PLEKHA5: variants seen among roughly 807,000 people sequenced by gnomAD.
PLEKHA5 encodes pleckstrin homology domain containing A5.
Under a neutral mutation model 181.9 loss-of-function variants are expected in PLEKHA5, and 55 were observed. That is an observed-to-expected ratio of 0.30 (90% CI 0.24 to 0.38). The LOEUF is 0.38. Ranked by LOEUF, PLEKHA5 falls within the 10% of genes least tolerant of loss-of-function variation. The pLI, the probability that PLEKHA5 is intolerant of heterozygous loss-of-function variation, is 1.00. For synonymous variants in PLEKHA5, 535 were observed against 529.4 expected, an observed-to-expected ratio of 1.01 and a Z score of -0.15; for missense variants, 1,432 against 1,549.5, an observed-to-expected ratio of 0.92 and a Z score of 1.27.
At chr12:19,173,804 T>A (rs1407170554) in intron 3 of PLEKHA5, among the ~76,000 whole-genome samples, 1 of 152,180 alleles carries the variant, frequency 6.6e-6, no homozygotes, top group Non-Finnish European at 1.5e-5. Context: ...CCAGGTCTCA[T>A]GCGGATGATA....
chr12:19,358,458 T>G lies in PLEKHA5; in HGVS notation c.3348+21T>G, dbSNP rs540722058. On this transcript the variant is annotated intron_variant, in intron 27 of 31. Transcript: ENST00000429027. ...CTCAGGTATATGAATTGCATTTGAT[T>G]ATTATTTTGTGTAAATCTAGTATCA... 2.7e-6 allele frequency: 4 copies of G among 1,499,044 alleles called. No individual in the cohort carries two copies. The East Asian group carries it at 9.0e-5, about 34-fold the overall frequency. The allele number at this position is 1,499,044 out of a possible 1,614,324, so 92.9% of individuals were successfully genotyped here. A position where few individuals can be genotyped will look rare whatever the true frequency, so the allele number is the denominator to read the frequency against.
chr12:19,229,610 G>T (rs2060173691), intron 3 of PLEKHA5, among the ~76,000 whole-genome samples: 1 of 152,186 alleles, frequency 6.6e-6, no homozygotes, highest in Non-Finnish European at 1.5e-5. Flanking sequence ...GCTCATAGAG[G>T]CAGTGCGGAC....
At chr12:19,361,851 T>G in intron 29 of PLEKHA5, 145 bp downstream of exon 29, 1 of 686,142 alleles carries the variant, frequency 1.5e-6, no homozygotes, top group Non-Finnish European at 2.5e-6. Context: ...ATATAACCTC[T>G]TAAACTACAC....
chr12:19,305,844 A>T (rs192446444), intron 15 of PLEKHA5, among the ~76,000 whole-genome samples: 66 of 134,286 alleles, frequency 4.9e-4, no homozygotes, highest in East Asian at 3.4e-3. Context: ...TGGGGCAACA[A>T]CAGCAAAACT....
chr12:19,272,499 G>A (rs1209646193), intron 10 of PLEKHA5, among the ~76,000 whole-genome samples: 1 of 152,100 alleles, frequency 6.6e-6, no homozygotes, highest in African/African-American at 2.4e-5. Context: ...AATAATGTAG[G>A]AGGCCAAGGT....
At chr12:19,275,005 A>T in intron 11 of PLEKHA5, 22 bp downstream of exon 11, 1 of 1,519,948 alleles carries the variant, frequency 6.6e-7, no homozygotes, top group Middle Eastern at 1.7e-4. Context: ...TCTTGTCATT[A>T]TGAACCCAGG....
chr12:19,141,166 C>T (rs2037154645), intron 3 of PLEKHA5, among the ~76,000 whole-genome samples: 2 of 151,668 alleles, frequency 1.3e-5, no homozygotes, highest in South Asian at 2.1e-4. Context: ...CTGCTTTCCA[C>T]CCCTCCCCCC....
rs145393279 is a variant in PLEKHA5, at chr12:19,365,830, A to T, written c.3609-134A>T. 2.8e-4 allele frequency: 168 copies of T among 602,640 alleles called. 1 individual carries two copies. The highest frequency in any genetic ancestry group is 2.8e-3 in the African/African-American group (147 of 53,044). 37.3% of individuals were successfully genotyped at this position (602,640 alleles called of 1,614,324 possible). A position where few individuals can be genotyped will look rare whatever the true frequency, so the allele number is the denominator to read the frequency against. On this transcript the variant is annotated intron_variant, in intron 29 of 31. Coordinates refer to ENST00000429027, the MANE Select transcript of PLEKHA5 (RefSeq NM_001256470.2). ...CTAATTCTTTTGTTTGAAACTTTCA[A>T]AAGAAAGAAAAGATTAATTGTAAGA... is the stretch of plus-strand genomic sequence containing the variant.
At chr12:19,155,408 C>G (rs1373693293) in intron 3 of PLEKHA5, among the ~76,000 whole-genome samples, 1 of 152,062 alleles carries the variant, frequency 6.6e-6, no homozygotes, top group Non-Finnish European at 1.5e-5. Context: ...CTATTAAGTC[C>G]CGAAACCTTG....
chr12:19,305,848 C>T (rs888405170), intron 15 of PLEKHA5, among the ~76,000 whole-genome samples: 13 of 59,654 alleles, frequency 2.2e-4, no homozygotes, highest in African/African-American at 9.8e-4. Flanking sequence ...GCAACAACAG[C>T]AAAACTCCAT....
At chr12:19,143,361 G>A (rs184268384) in intron 3 of PLEKHA5, among the ~76,000 whole-genome samples, 13 of 152,226 alleles carry the variant, frequency 8.5e-5, no homozygotes, top group Admixed American at 1.3e-4. Context: ...AAAAGTGTAC[G>A]TTTAGTGTAT....
chr12:19,281,526 G>A (rs2076142792), intron 11 of PLEKHA5, among the ~76,000 whole-genome samples: 1 of 151,466 alleles, frequency 6.6e-6, no homozygotes, highest in African/African-American at 2.4e-5. Context: ...GCAGTGAGCT[G>A]AGATTGTGCC....
In PLEKHA5 at chr12:19,369,699, G is replaced by C; in HGVS notation, c.3761G>C (p.Ser1254Thr). 1 of 1,604,986 alleles carries C rather than the reference G, an allele frequency of 6.2e-7. No individual in the cohort carries two copies. Among genetic ancestry groups the C allele is most frequent in the South Asian group, 1.1e-5 (1 of 90,014 alleles). Residue 1254 changes from serine to threonine, a missense_variant, in exon 31 of 32, where the codon AGT becomes ACT. Ser to Thr is a moderately conservative substitution (Grantham distance 58). This residue lies in a region of PLEKHA5 where 1,143 missense variants were observed against 1,168.4 expected (regional missense o/e 0.98). Coordinates refer to ENST00000429027, the MANE Select transcript of PLEKHA5 (RefSeq NM_001256470.2). The part of the protein sequence containing the change: ...SRGNQTMAVK[S>T]LSPSPESSAS... ...TTTTCTTTGTGTGTTTTAGTGAAAA[G>C]TCTGTCCCCATCTCCTGAGTCCTCG...
At chr12:19,229,705 C>T (rs955974097) in intron 3 of PLEKHA5, among the ~76,000 whole-genome samples, 3 of 152,168 alleles carry the variant, frequency 2.0e-5, no homozygotes, top group Admixed American at 2.0e-4. Flanking sequence ...AAGCAGGTTG[C>T]CACTGCTGGC....
At chr12:19,182,031 T>G (rs1268659898) in intron 3 of PLEKHA5, among the ~76,000 whole-genome samples, 1 of 152,190 alleles carries the variant, frequency 6.6e-6, no homozygotes, top group Non-Finnish European at 1.5e-5. Context: ...ATCTTATGGT[T>G]TCAGTAGTTA....
At chr12:19,217,497 A>G (rs2058173247) in intron 3 of PLEKHA5, among the ~76,000 whole-genome samples, 1 of 152,208 alleles carries the variant, frequency 6.6e-6, no homozygotes, top group East Asian at 1.9e-4. Context: ...TGCTGTCACT[A>G]TGCCAATTGT....
rs533661916 is a variant in PLEKHA5, at chr12:19,298,408, C to CTT, written c.2037+6731_2037+6732dup. The stretch of plus-strand genomic sequence containing the variant: ...GCAGTAATCTGTCCTATTTTTTTAG[C>CTT]TTTTTTTTTTTTTTTTTTTTTGTAA... On this transcript the variant is annotated intron_variant, in intron 15 of 31. Coordinates refer to ENST00000429027, the MANE Select transcript of PLEKHA5 (RefSeq NM_001256470.2). Among the ~76,000 whole-genome samples, 713 of 106,312 alleles carry CTT rather than the reference C, an allele frequency of 6.7e-3. 34 individuals carry two copies. Among genetic ancestry groups the CTT allele is most frequent in the African/African-American group, 0.021 (558 of 27,204 alleles). 69.7% of individuals were successfully genotyped at this position (106,312 alleles called of 152,430 possible).
chr12:19,262,864 C>T (rs1198459022), intron 7 of PLEKHA5, among the ~76,000 whole-genome samples: 3 of 152,054 alleles, frequency 2.0e-5, no homozygotes, highest in African/African-American at 7.2e-5. Flanking sequence ...TACCCCTGAA[C>T]CTATAATAGA....
chr12:19,130,012 T>G lies in PLEKHA5; in HGVS notation c.90-39T>G, dbSNP rs1449093500. On this transcript the variant is annotated intron_variant, in intron 1 of 31. Coordinates refer to ENST00000429027, the MANE Select transcript of PLEKHA5 (RefSeq NM_001256470.2). This position sits in a 1 kb window ranked among gnomAD's most constrained non-coding sequence, Gnocchi z 4.5. The stretch of plus-strand genomic sequence containing the variant: ...CCCCTCGGCTCGCCCCCGCGTCCCC[T>G]CTCACGCTCCGTGTCTGCCCCTTCT... 5 of 1,520,928 alleles carry G rather than the reference T, an allele frequency of 3.3e-6. No individual in the cohort carries two copies. The allele number at this position is 1,520,928 out of a possible 1,614,324, so 94.2% of individuals were successfully genotyped here. A position where few individuals can be genotyped will look rare whatever the true frequency, so the allele number is the denominator to read the frequency against.
Sources: allele counts gnomAD v4.1 joint callset (sites outside exome capture counted in the v4.1 genomes callset), GRCh38; gene constraint gnomAD v4.1.1; regional missense constraint gnomAD v4.1.1; non-coding constraint Gnocchi (gnomAD v3.1); transcripts MANE v1.5; gene names NCBI Gene and HGNC (gene_info 2026-07-23, HGNC 2026-07-21).